Variants in PAQR5 observed in about 807,000 individuals in gnomAD.
PAQR5 encodes the protein progestin and adipoQ receptor family member 5, also known as membrane progestin receptor gamma.
PAQR5 carries 20 observed loss-of-function variants against 34.5 expected under a neutral mutation model. The ratio of observed to expected loss-of-function variants is 0.58; its 90% CI spans 0.41 to 0.84. The LOEUF (loss-of-function observed/expected upper bound fraction) is 0.84, where lower values mean the gene tolerates loss of function less well. Among genes scored for constraint, PAQR5 ranks in the 40% least tolerant of loss-of-function variants. The pLI, the probability that PAQR5 is intolerant of heterozygous loss-of-function variation, is 0.00. For synonymous variants in PAQR5, 131 were observed against 155.6 expected (o/e 0.84, Z 1.18); for missense variants, 378 against 412.7 (o/e 0.92, Z 0.73).
chr15:69,407,668 G>A lies in PAQR5; in HGVS notation c.*3846G>A, dbSNP rs572923792. On this transcript the variant is annotated 3_prime_UTR_variant, in exon 9 of 9. Coordinates refer to ENST00000395407, the MANE Select transcript of PAQR5 (RefSeq NM_017705.4). ...AGTCATCCTGTTTGCCACTTAATTT[G>A]GTTATGTTTTATCTACCACACTGCA... is the stretch of plus-strand genomic sequence containing the variant. The A allele has an allele frequency of 6.6e-6, 1 of 152,256 alleles. No individual in the cohort carries two copies. The highest frequency in any genetic ancestry group is 2.4e-5 in the African/African-American group (1 of 41,526). The allele number at this position is 152,256 out of a possible 1,614,324, so 9.4% of individuals were successfully genotyped here.
intron 3 of PAQR5, among the ~76,000 whole-genome samples, chr15:69,370,428 A>G (rs2055528020): frequency 6.6e-6 from 1 of 152,228 alleles, no homozygotes; most frequent in Admixed American, 6.5e-5. Context: ...ATATGTCTAA[A>G]TACTTAAAAG....
intron 6 of PAQR5, among the ~76,000 whole-genome samples, chr15:69,392,727 C>A (rs1008033954): frequency 6.6e-6 from 1 of 152,132 alleles, no homozygotes; most frequent in African/African-American, 2.4e-5. Context: ...AGAATGACAC[C>A]TGCCGGTATA....
intron 1 of PAQR5, among the ~76,000 whole-genome samples, chr15:69,323,226 A>T (rs150602589): frequency 1.4e-4 from 21 of 152,352 alleles, no homozygotes; most frequent in African/African-American, 5.0e-4. Flanking sequence ...ATGAGTCTCC[A>T]GGGATAACAC....
intron 6 of PAQR5, among the ~76,000 whole-genome samples, chr15:69,393,958 C>T (rs1191400703): frequency 2.0e-5 from 3 of 152,060 alleles, no homozygotes; most frequent in East Asian, 1.9e-4. Context: ...GTTCTTGGAG[C>T]AAGGTGGGGG....
intron 2 of PAQR5, among the ~76,000 whole-genome samples, chr15:69,357,118 T>C (rs1002197340): frequency 6.6e-6 from 1 of 151,998 alleles, no homozygotes; most frequent in Non-Finnish European, 1.5e-5. Flanking sequence ...AGCTACTCCT[T>C]CGCCTTCCGC....
At chr15:69,353,899 T>C (rs918432803) in intron 2 of PAQR5, among the ~76,000 whole-genome samples, 3 of 152,150 alleles carry the variant, frequency 2.0e-5, no homozygotes, top group Admixed American at 1.3e-4. Context: ...ACTTTGGGCT[T>C]CTTGTGCCTC....
chr15:69,388,919 C>T (rs1385493231), intron 5 of PAQR5, among the ~76,000 whole-genome samples: 1 of 152,214 alleles, frequency 6.6e-6, no homozygotes, highest in Non-Finnish European at 1.5e-5. Flanking sequence ...AGGCCCATCT[C>T]CCCAGCTGAA....
intron 4 of PAQR5, among the ~76,000 whole-genome samples, chr15:69,383,275 G>C (rs555203826): frequency 3.4e-5 from 5 of 145,602 alleles, no homozygotes; most frequent in African/African-American, 1.3e-4. Flanking sequence ...GCGGCCCTGC[G>C]TGCTCATGGT....
In PAQR5 at chr15:69,393,252, C is replaced by A. The variant is rs533404750; in HGVS notation, c.512+3472C>A. Among the ~76,000 whole-genome samples the A allele has an allele frequency of 5.9e-4, 90 of 151,976 alleles. No homozygotes were observed. The South Asian group carries it at 0.018, about 30-fold the overall frequency. On this transcript the variant is annotated intron_variant, in intron 6 of 8. Coordinates refer to ENST00000395407, the MANE Select transcript of PAQR5 (RefSeq NM_017705.4). The stretch of plus-strand genomic sequence containing the variant: ...CTGACCCATGGTTTTGCTGCTCTTA[C>A]AAGGCCTGTCCTCCCCTCTCTTCAT...
At chr15:69,345,961 GA>G (rs1381564887) in intron 2 of PAQR5, among the ~76,000 whole-genome samples, 2 of 152,116 alleles carry the variant, frequency 1.3e-5, no homozygotes, top group Non-Finnish European at 2.9e-5. Context: ...TAAAACAAAT[GA>G]AATCTTATAT....
At chr15:69,327,249 A>G (rs2054274771) in intron 1 of PAQR5, among the ~76,000 whole-genome samples, 1 of 152,110 alleles carries the variant, frequency 6.6e-6, no homozygotes, top group Admixed American at 6.6e-5. Context: ...TTCCCGCCTC[A>G]GCCTCCCAAA....
Position 69,405,363 on chromosome 15 carries a change from C to T in PAQR5, c.*1541C>T, listed in dbSNP as rs1349882761. 1.1e-5 allele frequency: 2 copies of T among 185,946 alleles called. No individual in the cohort carries two copies. Among genetic ancestry groups the T allele is most frequent in the Non-Finnish European group, 2.2e-5 (2 of 91,146 alleles). 11.5% of individuals were successfully genotyped at this position (185,946 alleles called of 1,614,324 possible). A position where few individuals can be genotyped will look rare whatever the true frequency, so the allele number is the denominator to read the frequency against. Reference sequence around the variant, plus strand: ...TGTAAACAGCTCACTGTCTAATACTCGAAGGACAAGTAACAATTTATATTG... The same window carrying T: ...TGTAAACAGCTCACTGTCTAATACTTGAAGGACAAGTAACAATTTATATTG... On this transcript the variant is annotated 3_prime_UTR_variant, in exon 9 of 9. Coordinates refer to ENST00000395407, the MANE Select transcript of PAQR5 (RefSeq NM_017705.4).
intron 3 of PAQR5, among the ~76,000 whole-genome samples, chr15:69,374,665 A>T (rs1033909696): frequency 6.6e-6 from 1 of 152,162 alleles, no homozygotes; most frequent in East Asian, 1.9e-4. Context: ...CAACAGAGTG[A>T]GACTCTGTCT....
At chr15:69,340,303 A>C (rs923473772) in intron 2 of PAQR5, among the ~76,000 whole-genome samples, 1 of 152,200 alleles carries the variant, frequency 6.6e-6, no homozygotes, top group South Asian at 2.1e-4. Context: ...CAAACATCAT[A>C]AAACAGTACT....
At chr15:69,319,158 CATATATATATATATATATATATAT>C (rs869082537) in intron 1 of PAQR5, among the ~76,000 whole-genome samples, 52 of 4,270 alleles carry the variant, frequency 0.012, 2 homozygotes, top group African/African-American at 0.014. Flanking sequence ...TAAATATATA[CATATATATATATATATATATATAT>C]ATATATATAT....
intron 7 of PAQR5, among the ~76,000 whole-genome samples, chr15:69,399,328 C>T (rs1408006084): frequency 6.6e-6 from 1 of 152,172 alleles, no homozygotes; most frequent in East Asian, 1.9e-4. Context: ...ACAGCAAGAC[C>T]GACCCCTTTT....
chr15:69,399,537 G>A (rs753396610), intron 7 of PAQR5, among the ~76,000 whole-genome samples: 3 of 152,214 alleles, frequency 2.0e-5, no homozygotes, highest in Non-Finnish European at 4.4e-5. Flanking sequence ...TTTGACTGCA[G>A]GGGGTCAATG....
chr15:69,310,391 C>T (rs1264959152), intron 1 of PAQR5, among the ~76,000 whole-genome samples: 1 of 152,226 alleles, frequency 6.6e-6, no homozygotes, highest in Non-Finnish European at 1.5e-5. Flanking sequence ...TCATTTACCA[C>T]ACCCTCCAAC....
At chr15:69,335,675 C>T (rs749064557) in intron 1 of PAQR5, among the ~76,000 whole-genome samples, 5 of 151,318 alleles carry the variant, frequency 3.3e-5, no homozygotes, top group Non-Finnish European at 4.4e-5. Context: ...CTCAGCCTCC[C>T]GAGTAGCTGG....
Sources: allele counts gnomAD v4.1 joint callset (sites outside exome capture counted in the v4.1 genomes callset), GRCh38; gene constraint gnomAD v4.1.1; transcripts MANE v1.5; gene names NCBI Gene and HGNC (gene_info 2026-07-23, HGNC 2026-07-21).